The following C12orf42 variants were observed in gnomAD, a reference collection of about 807,000 sequenced individuals.
C12orf42 encodes the protein uncharacterized protein C12orf42.
A neutral mutation model predicts 21.6 loss-of-function variants in C12orf42; 25 were observed. The ratio of observed to expected loss-of-function variants is 1.16; its 90% CI spans 0.84 to 1.62. The LOEUF (loss-of-function observed/expected upper bound fraction) is 1.62. Ranked by LOEUF, C12orf42 falls within the 40% of genes most tolerant of loss-of-function variation. The pLI is 0.00. For missense variants in C12orf42, 483 were observed against 459.3 expected (o/e 1.05, Z -0.47); for synonymous variants, 174 against 175.0 (o/e 0.99, Z 0.05).
At chr12:103,073,838 C>G in the C12orf42 span, among the ~76,000 whole-genome samples, 1 of 152,184 alleles carries the variant, frequency 6.6e-6, no homozygotes, top group Non-Finnish European at 1.5e-5. Context: ...GAGTGTATCA[C>G]TAGCTTCTTA....
the C12orf42 span, among the ~76,000 whole-genome samples, chr12:103,096,375 A>G: frequency 6.6e-6 from 1 of 152,232 alleles, no homozygotes; most frequent in South Asian, 2.1e-4. Context: ...TAGGACATAA[A>G]TGCCTATTAA....
In C12orf42 at chr12:103,391,714, A is replaced by G. The variant is rs541267267; in HGVS notation, c.147+9893T>C. 6.0e-5 allele frequency among the ~76,000 whole-genome samples: 9 copies of G among 151,186 alleles called. No individual in the cohort carries two copies. In the South Asian group the frequency reaches 1.2e-3, roughly 21 times the overall value. ...TATAATTATATATATAATAGTATAT[A>G]TGATGTGTGTGTGTGTATATATATA... On this transcript the variant is annotated intron_variant, in intron 3 of 5. Transcript: ENST00000548883.
chr12:103,214,202 C>T, the C12orf42 span, among the ~76,000 whole-genome samples: 1 of 152,282 alleles, frequency 6.6e-6, no homozygotes, highest in African/African-American at 2.4e-5. Flanking sequence ...TGACTGGATG[C>T]TTGTGCCTTA....
At chr12:103,387,071 G>A (rs944281969) in intron 3 of C12orf42, among the ~76,000 whole-genome samples, 1 of 152,164 alleles carries the variant, frequency 6.6e-6, no homozygotes, top group African/African-American at 2.4e-5. Flanking sequence ...AGTGCGAAAG[G>A]GGAGCCTAGT....
At chr12:103,378,406 C>G (rs1441311534) in intron 3 of C12orf42, among the ~76,000 whole-genome samples, 1 of 152,120 alleles carries the variant, frequency 6.6e-6, no homozygotes, top group Non-Finnish European at 1.5e-5. Context: ...ACCAGGATCA[C>G]CATAGGCACC....
chr12:103,058,940 C>G, the C12orf42 span, among the ~76,000 whole-genome samples: 1 of 151,614 alleles, frequency 6.6e-6, no homozygotes, highest in Non-Finnish European at 1.5e-5. Context: ...CAAGAGCAAA[C>G]TCAAAAGCTA....
intron 2 of C12orf42, among the ~76,000 whole-genome samples, chr12:103,423,750 CA>C (rs1160674672): frequency 6.6e-6 from 1 of 152,104 alleles, no homozygotes; most frequent in African/African-American, 2.4e-5. Context: ...CCAAGTTGAG[CA>C]GAAAGTGCAT....
chr12:103,330,525 C>T (rs1366221554), intron 4 of C12orf42, among the ~76,000 whole-genome samples: 3 of 152,138 alleles, frequency 2.0e-5, no homozygotes, highest in African/African-American at 7.2e-5. Context: ...GGGTTCAGAA[C>T]ATACAGGCAG....
chr12:103,064,858 A>T, the C12orf42 span, among the ~76,000 whole-genome samples: 1 of 152,222 alleles, frequency 6.6e-6, no homozygotes, highest in Non-Finnish European at 1.5e-5. Flanking sequence ...CTAGGGGCTT[A>T]TGGAGTCAGG....
the C12orf42 span, among the ~76,000 whole-genome samples, chr12:103,556,762 G>A: frequency 6.6e-6 from 1 of 152,114 alleles, no homozygotes; most frequent in African/African-American, 2.4e-5. Context: ...TTTGGACAAA[G>A]CATCTTTGCA....
chr12:103,136,957 C>T, the C12orf42 span, among the ~76,000 whole-genome samples: 1 of 152,056 alleles, frequency 6.6e-6, no homozygotes, highest in Non-Finnish European at 1.5e-5. Context: ...GAAAACACCC[C>T]AGGACACTGG....
At chr12:103,147,405 T>A in the C12orf42 span, among the ~76,000 whole-genome samples, 3 of 152,054 alleles carry the variant, frequency 2.0e-5, no homozygotes, top group East Asian at 5.8e-4. Context: ...AAATTAAAGT[T>A]TGGCCCTTTG....
chr12:103,419,336 G>A (rs558588974), intron 2 of C12orf42, among the ~76,000 whole-genome samples: 4 of 152,268 alleles, frequency 2.6e-5, no homozygotes, highest in Admixed American at 6.5e-5. Context: ...GCCAAGATAC[G>A]TTTTATACTT....
intron 10 of C12orf42, among the ~76,000 whole-genome samples, chr12:103,260,871 T>C (rs17033627): frequency 0.084 from 12,778 of 152,204 alleles, 533 homozygotes; most frequent in East Asian, 0.19. Flanking sequence ...ATTTCTAAAC[T>C]CTGATTTAGG....
At chr12:103,233,778 A>G (rs1379971246), downstream of C12orf42, among the ~76,000 whole-genome samples, 1 of 152,198 alleles carries the variant, frequency 6.6e-6, no homozygotes, top group Admixed American at 6.5e-5. Context: ...AAAGAAAGAC[A>G]GTTTTATTTC....
chr12:103,533,616 C>T, the C12orf42 span, among the ~76,000 whole-genome samples: 3 of 152,098 alleles, frequency 2.0e-5, no homozygotes, highest in Non-Finnish European at 2.9e-5. Context: ...ATAACTTTTG[C>T]GGCACATATT....
intron 4 of C12orf42, among the ~76,000 whole-genome samples, chr12:103,286,253 AAAATAAATAAATAAATAAAT>A (rs200130397): frequency 6.8e-6 from 1 of 146,010 alleles, no homozygotes; most frequent in African/African-American, 2.6e-5. Context: ...TCCATCTCAA[AAAATAAATAAATAAATAAAT>A]AAATAAATAA....
At chr12:103,090,230 T>C in the C12orf42 span, among the ~76,000 whole-genome samples, 1 of 152,322 alleles carries the variant, frequency 6.6e-6, no homozygotes, top group Admixed American at 6.5e-5. Context: ...AATCAGGTTT[T>C]TTTGGTTTTA....
the C12orf42 span, among the ~76,000 whole-genome samples, chr12:103,169,081 G>A: frequency 6.6e-6 from 1 of 151,800 alleles, no homozygotes; most frequent in African/African-American, 2.4e-5. Context: ...GATTGGTGCA[G>A]CAAACCACCA....
Sources: allele counts gnomAD v4.1 joint callset (sites outside exome capture counted in the v4.1 genomes callset), GRCh38; gene constraint gnomAD v4.1.1; transcripts MANE v1.5; gene names NCBI Gene and HGNC (gene_info 2026-07-23, HGNC 2026-07-21).